The following CRYBG1 variants were observed in gnomAD, a reference collection of about 807,000 sequenced individuals.
CRYBG1 encodes the protein crystallin beta-gamma domain containing 1.
Under a neutral mutation model 189.2 loss-of-function variants are expected in CRYBG1, and 139 were observed. That is an observed-to-expected ratio of 0.73 (90% CI 0.64 to 0.85). The LOEUF (loss-of-function observed/expected upper bound fraction) is 0.85, where lower values mean the gene tolerates loss of function less well. CRYBG1 is among the 40% of genes least tolerant of loss of function. The pLI is 0.00. For synonymous variants in CRYBG1, 1,023 were observed against 1,017.1 expected, an observed-to-expected ratio of 1.01 and a Z score of -0.11; for missense variants, 2,611 against 2,675.8, an observed-to-expected ratio of 0.98 and a Z score of 0.53.
At chr6:106,561,275 T>C (rs1774710051) in intron 19 of CRYBG1, 67 bp from the exon 20 acceptor site, 2 of 1,521,748 alleles carry the variant, frequency 1.3e-6, no homozygotes, top group Admixed American at 1.9e-5. Context: ...CTTCCTGATA[T>C]TCATGCTTGT....
intron 16 of CRYBG1, among the ~76,000 whole-genome samples, chr6:106,554,490 T>A (rs1774487629): frequency 6.6e-6 from 1 of 152,184 alleles, no homozygotes; most frequent in Admixed American, 6.5e-5. Context: ...GACACACCTG[T>A]AATCCCAGCT....
In CRYBG1 at chr6:106,506,343, A is replaced by G. The variant is rs188376560; in HGVS notation, c.313-5087A>G. On this transcript the variant is annotated intron_variant, in intron 2 of 21. Coordinates refer to ENST00000633556, the MANE Select transcript of CRYBG1 (RefSeq NM_001371242.2). ...CATTTTTCCTGTTCTCAAGGAGCTT[A>G]CATTCACTGGGGAATGAAAAGGTGG... Among the ~76,000 whole-genome samples, 6 of 152,040 alleles carry G rather than the reference A, an allele frequency of 3.9e-5. No individual in the cohort carries two copies. In the East Asian group the frequency reaches 1.2e-3, roughly 29 times the overall value.
intron 2 of CRYBG1, among the ~76,000 whole-genome samples, chr6:106,498,512 T>C (rs536060477): frequency 3.9e-5 from 6 of 152,312 alleles, no homozygotes; most frequent in African/African-American, 1.4e-4. Context: ...TTCTGCAGCC[T>C]GTGATACGTT....
At chr6:106,563,711 G>A in intron 20 of CRYBG1, 53 bp from the exon 21 acceptor site, 3 of 1,536,438 alleles carry the variant, frequency 2.0e-6, no homozygotes, top group Non-Finnish European at 2.7e-6. Flanking sequence ...TAATTGCTAT[G>A]AGACTTACAG....
chr6:106,488,134 G>C (rs922725990), intron 2 of CRYBG1, among the ~76,000 whole-genome samples: 2 of 152,210 alleles, frequency 1.3e-5, no homozygotes, highest in African/African-American at 2.4e-5. Context: ...TATGACTGTG[G>C]TGGTATGGTT....
intron 2 of CRYBG1, among the ~76,000 whole-genome samples, chr6:106,473,755 G>A (rs534365701): frequency 9.2e-5 from 14 of 152,282 alleles, no homozygotes; most frequent in African/African-American, 2.6e-4. Context: ...AAACTATGAG[G>A]ATAAGAGTAA....
intron 6 of CRYBG1, 76 bp downstream of exon 6, chr6:106,525,462 A>G (rs1016619865): frequency 1.8e-6 from 2 of 1,129,658 alleles, no homozygotes; most frequent in South Asian, 2.5e-5. Context: ...AGTCCTCACT[A>G]CTAGTTTAAA....
intron 1 of CRYBG1, among the ~76,000 whole-genome samples, chr6:106,394,201 T>C (rs1770561730): frequency 6.6e-6 from 1 of 152,196 alleles, no homozygotes; most frequent in Non-Finnish European, 1.5e-5. Context: ...TGTAGCTTAT[T>C]AATAAATGTC....
chr6:106,435,714 C>T (rs1010339984), intron 1 of CRYBG1, among the ~76,000 whole-genome samples: 1 of 151,966 alleles, frequency 6.6e-6, no homozygotes, highest in African/African-American at 2.4e-5. Context: ...GTGATTCTCC[C>T]GCCTCAGTCT....
intron 17 of CRYBG1, 147 bp from the exon 18 acceptor site, chr6:106,558,339 C>T (rs1350922538): frequency 1.6e-6 from 1 of 609,208 alleles, no homozygotes; most frequent in East Asian, 3.0e-5. Flanking sequence ...AGTACACAAA[C>T]ATCCAGGCTC....
At chr6:106,430,276 T>C (rs780536603) in intron 1 of CRYBG1, among the ~76,000 whole-genome samples, 20 of 151,978 alleles carry the variant, frequency 1.3e-4, no homozygotes, top group Non-Finnish European at 2.8e-4. Flanking sequence ...TACAAAAAAA[T>C]TTAAAAATTA....
At chr6:106,384,516 G>A (rs1484578883) in intron 1 of CRYBG1, among the ~76,000 whole-genome samples, 1 of 152,084 alleles carries the variant, frequency 6.6e-6, no homozygotes, top group East Asian at 1.9e-4. Context: ...GGTGATGGGA[G>A]AGAGTGACAC....
chr6:106,520,886 C>T lies in CRYBG1; in HGVS notation c.3678C>T (p.Asp1226=), dbSNP rs143755688. Reference sequence around the variant, plus strand: ...AAATCAATGACAAAGAGAACAGGGACGTCACAAATGGTGGCATTAAGAGAT... The same window carrying T: ...AAATCAATGACAAAGAGAACAGGGATGTCACAAATGGTGGCATTAAGAGAT... ...MPEINDKENR[D]VTNGGIKRSR... The change falls in exon 4 of 22, where the codon GAC becomes GAT. Residue 1226 remains aspartate (D), a synonymous_variant. Transcript: ENST00000633556. 14 of 1,614,036 alleles carry T rather than the reference C, an allele frequency of 8.7e-6. No individual in the cohort carries two copies. Among genetic ancestry groups the T allele is most frequent in the African/African-American group, 4.0e-5 (3 of 74,918 alleles).
intron 1 of CRYBG1, among the ~76,000 whole-genome samples, chr6:106,364,289 C>T (rs1179574238): frequency 2.6e-5 from 4 of 151,814 alleles, no homozygotes; most frequent in South Asian, 2.1e-4. Context: ...ATCATGCCAT[C>T]GCACTCTAGC....
At position 106,520,949 on chromosome 6, in the gene CRYBG1, A is replaced by C. The variant is rs761344006; in HGVS notation, c.3741A>C (p.Leu1247Phe). 2.5e-6 allele frequency: 4 copies of C among 1,614,210 alleles called. No homozygotes were observed. The South Asian group carries it at 4.4e-5, about 18-fold the overall frequency. ...AAAGTGCACTTTTCTCAAGCTTGTT[A>C]TCTTCTTTACCACAAGACAAAATCT... is the stretch of plus-strand genomic sequence containing the variant. Reference protein sequence around the residue: ...LEKSALFSSLLSSLPQDKIFS... With the variant: ...LEKSALFSSLFSSLPQDKIFS... The change falls in exon 4 of 22, where the codon TTA (leucine) becomes TTC (phenylalanine). Residue 1247 changes from leucine to phenylalanine, a missense_variant. Leu to Phe is a conservative substitution (Grantham distance 22, BLOSUM62 0). Around this residue, in one of 3 missense-constraint regions of CRYBG1, gnomAD observed 1,622 missense variants for 1,735.0 expected, o/e 0.93. Coordinates refer to ENST00000633556, the MANE Select transcript of CRYBG1 (RefSeq NM_001371242.2).
intron 1 of CRYBG1, among the ~76,000 whole-genome samples, chr6:106,444,977 C>T (rs1023752413): frequency 8.0e-5 from 11 of 137,964 alleles, no homozygotes; most frequent in African/African-American, 2.9e-4. Context: ...TTACAAAAAC[C>T]AACAAAACAA....
chr6:106,362,057 A>G (rs1386187500), intron 1 of CRYBG1, among the ~76,000 whole-genome samples: 2 of 137,596 alleles, frequency 1.5e-5, no homozygotes, highest in Non-Finnish European at 3.1e-5. Context: ...TGCAAGCTCC[A>G]CCTCCCGGGT....
chr6:106,414,319 G>A (rs1457706507), intron 1 of CRYBG1, among the ~76,000 whole-genome samples: 2 of 152,250 alleles, frequency 1.3e-5, no homozygotes, highest in Non-Finnish European at 2.9e-5. Flanking sequence ...AAGGAAGATG[G>A]CTCCTTGACT....
Position 106,519,410 on chromosome 6 carries a change from G to C in CRYBG1, c.2202G>C (p.Met734Ile), listed in dbSNP as rs1773527379. Residue 734 changes from methionine (M) to isoleucine (I), a missense_variant, in exon 4 of 22, where the codon ATG (methionine) becomes ATC (isoleucine). By Grantham distance (10) the Met-to-Ile change is conservative (BLOSUM62 1). Around this residue, in one of 3 missense-constraint regions of CRYBG1, gnomAD observed 1,622 missense variants for 1,735.0 expected, o/e 0.93. Transcript: ENST00000633556. ...TGGAGCAACCTGAAAAGAAAGTAATGCCAAACAGTCCCCAGAATGGTGTGC... is the reference window on the plus strand; with the variant it reads ...TGGAGCAACCTGAAAAGAAAGTAATCCCAAACAGTCCCCAGAATGGTGTGC... ...KEMEQPEKKV[M>I]PNSPQNGVLV... 1 of 1,613,984 alleles carries C rather than the reference G, an allele frequency of 6.2e-7. No homozygotes were observed. Among genetic ancestry groups the C allele is most frequent in the Admixed American group, 1.7e-5 (1 of 59,996 alleles).
Sources: allele counts gnomAD v4.1 joint callset (sites outside exome capture counted in the v4.1 genomes callset), GRCh38; gene constraint gnomAD v4.1.1; regional missense constraint gnomAD v4.1.1; transcripts MANE v1.5; gene names NCBI Gene and HGNC (gene_info 2026-07-23, HGNC 2026-07-21).